Variants in CDH13 observed in about 807,000 individuals in gnomAD.
CDH13 encodes the protein cadherin-13.
Under a neutral mutation model 63.8 loss-of-function variants are expected in CDH13, and 24 were observed. The observed-to-expected ratio is 0.38, with a 90% confidence interval of 0.27 to 0.53. The LOEUF (loss-of-function observed/expected upper bound fraction) is 0.53. Ranked by LOEUF, CDH13 falls within the 20% of genes least tolerant of loss-of-function variation. The pLI is 0.85. For missense variants in CDH13, 1,049 were observed against 903.1 expected, an observed-to-expected ratio of 1.16 and a Z score of -2.07; for synonymous variants, 503 against 355.3, an observed-to-expected ratio of 1.42 and a Z score of -4.67.
At position 83,298,076 on chromosome 16, in the gene CDH13, GAA is replaced by G. The variant is rs1458493438; in HGVS notation, c.637-46780_637-46779del. Among the ~76,000 whole-genome samples the G allele has an allele frequency of 3.7e-3, 549 of 148,934 alleles. 4 individuals carry two copies. The highest frequency in any genetic ancestry group is 9.8e-3 in the African/African-American group (399 of 40,612). On this transcript the variant is annotated intron_variant, in intron 5 of 13. Transcript: ENST00000567109. Reference sequence around the variant, plus strand: ...AAAAAAAAAAAAAGAAAAAGAAAAAGAAAAAAAGAAAAAAAAATTAGCCAGGT... The same window carrying G: ...AAAAAAAAAAAAAGAAAAAGAAAAAGAAAAAGAAAAAAAAATTAGCCAGGT...
chr16:83,104,016 T>A (rs1188632020), intron 3 of CDH13, among the ~76,000 whole-genome samples: 1 of 152,224 alleles, frequency 6.6e-6, no homozygotes, highest in African/African-American at 2.4e-5. Flanking sequence ...TTTCAGAGTT[T>A]CATTATAAAA....
intron 7 of CDH13, among the ~76,000 whole-genome samples, chr16:83,509,466 A>G (rs1284412724): frequency 6.6e-6 from 1 of 152,232 alleles, no homozygotes; most frequent in African/African-American, 2.4e-5. Context: ...GCACAAAAGC[A>G]AGCATAGATA....
intron 6 of CDH13, among the ~76,000 whole-genome samples, chr16:83,351,516 C>T (rs918005863): frequency 1.3e-5 from 2 of 152,068 alleles, no homozygotes; most frequent in South Asian, 4.2e-4. Context: ...GTAAATCTCT[C>T]TCTTCACTCC....
At chr16:82,627,198 C>T (rs1432473257) in intron 1 of CDH13, 61 bp downstream of exon 1, 2 of 1,467,976 alleles carry the variant, frequency 1.4e-6, no homozygotes, top group Non-Finnish European at 9.4e-7. Flanking sequence ...GATCGCCCGG[C>T]ACGGGCAGGG....
At chr16:83,290,220 G>A (rs771407337) in intron 5 of CDH13, among the ~76,000 whole-genome samples, 1 of 152,094 alleles carries the variant, frequency 6.6e-6, no homozygotes, top group Non-Finnish European at 1.5e-5. Context: ...TATTTTAATT[G>A]TTAGTATTTA....
intron 4 of CDH13, among the ~76,000 whole-genome samples, chr16:83,140,052 A>G (rs1483111316): frequency 6.6e-6 from 1 of 152,188 alleles, no homozygotes; most frequent in Non-Finnish European, 1.5e-5. Flanking sequence ...ACCGCTGTAG[A>G]CATCCGAGGG....
At chr16:83,383,206 G>A (rs2091603115) in intron 6 of CDH13, 1 of 152,108 alleles carries the variant, frequency 6.6e-6, no homozygotes, top group African/African-American at 2.4e-5. Context: ...ACGTTCTGGG[G>A]AGAAAAACCA....
intron 4 of CDH13, among the ~76,000 whole-genome samples, chr16:83,134,868 A>G (rs1016741897): frequency 2.0e-5 from 3 of 152,208 alleles, no homozygotes; most frequent in East Asian, 1.9e-4. Context: ...CATCCCGCAA[A>G]TAAAGGCATC....
chr16:83,798,934 A>G lies in CDH13; in HGVS notation c.*3904A>G, dbSNP rs1467486968. On this transcript the variant is annotated 3_prime_UTR_variant, in exon 14 of 14. Coordinates refer to ENST00000567109, the MANE Select transcript of CDH13 (RefSeq NM_001257.5). ...ACCTTAGAAATTTTTCCTGTGCAAG[A>G]TAACGTAATTATTTGCCCCTTCCCT... The G allele has an allele frequency of 6.6e-6, 1 of 152,146 alleles. No homozygotes were observed. Among genetic ancestry groups the G allele is most frequent in the Non-Finnish European group, 1.5e-5 (1 of 68,030 alleles). The allele number at this position is 152,146 out of a possible 1,614,324, so 9.4% of individuals were successfully genotyped here. A position where few individuals can be genotyped will look rare whatever the true frequency, so the allele number is the denominator to read the frequency against.
At chr16:82,668,384 A>T (rs1164500949) in intron 1 of CDH13, among the ~76,000 whole-genome samples, 2 of 152,188 alleles carry the variant, frequency 1.3e-5, no homozygotes, top group Non-Finnish European at 2.9e-5. Flanking sequence ...TTGGTTCTAG[A>T]GGACTCGACT....
chr16:82,687,288 G>C (rs1352119921), intron 1 of CDH13, among the ~76,000 whole-genome samples: 1 of 152,168 alleles, frequency 6.6e-6, no homozygotes, highest in Non-Finnish European at 1.5e-5. Flanking sequence ...GGGATACTGG[G>C]TGGTGGTGGG....
intron 2 of CDH13, among the ~76,000 whole-genome samples, chr16:82,994,833 A>G (rs545536252): frequency 3.5e-4 from 54 of 152,262 alleles, no homozygotes; most frequent in Middle Eastern, 3.4e-3. Context: ...ACCACTATTA[A>G]TACCTGAGTA....
At chr16:82,965,629 C>G (rs769166608) in intron 2 of CDH13, among the ~76,000 whole-genome samples, 6 of 152,084 alleles carry the variant, frequency 3.9e-5, no homozygotes, top group Non-Finnish European at 7.4e-5. Context: ...CTTCCAGGTT[C>G]AAGGGATTCT....
At chr16:82,652,628 AGCTGCT>A (rs35661989) in intron 1 of CDH13, among the ~76,000 whole-genome samples, 21 of 149,302 alleles carry the variant, frequency 1.4e-4, no homozygotes, top group Admixed American at 9.4e-4. Flanking sequence ...AGATATTGGA[AGCTGCT>A]GCTGCTGCTG....
At position 83,191,959 on chromosome 16, in the gene CDH13, A is replaced by C. The variant is rs537592743; in HGVS notation, c.484-25386A>C. On this transcript the variant is annotated intron_variant, in intron 4 of 13. Transcript: ENST00000567109. ...TCCAATCAAGTTGAGGCTCAGTATT[A>C]ACCAACTCAATGATAAAAAGAGAGA... is the stretch of plus-strand genomic sequence containing the variant. Among the ~76,000 whole-genome samples the C allele has an allele frequency of 3.3e-5, 5 of 152,236 alleles. No individual in the cohort carries two copies. The East Asian group carries it at 9.7e-4, about 29-fold the overall frequency.
intron 4 of CDH13, among the ~76,000 whole-genome samples, chr16:83,199,736 G>C (rs1346122259): frequency 1.3e-5 from 2 of 152,120 alleles, no homozygotes; most frequent in African/African-American, 4.8e-5. Context: ...GCCTGCCACG[G>C]TACAATGTGC....
At chr16:83,420,337 G>A (rs147426076) in intron 6 of CDH13, among the ~76,000 whole-genome samples, 77 of 152,244 alleles carry the variant, frequency 5.1e-4, no homozygotes, top group African/African-American at 1.8e-3. Context: ...TGGGAGATTC[G>A]AAGCAGTTGA....
At chr16:83,644,451 A>T (rs1160034612) in intron 8 of CDH13, among the ~76,000 whole-genome samples, 1 of 152,236 alleles carries the variant, frequency 6.6e-6, no homozygotes, top group Non-Finnish European at 1.5e-5. Context: ...ATCTTCACGT[A>T]CATATATGAA....
chr16:82,876,605 G>C (rs1326023291), intron 2 of CDH13, among the ~76,000 whole-genome samples: 1 of 152,196 alleles, frequency 6.6e-6, no homozygotes, highest in Admixed American at 6.5e-5. Context: ...CCTAACAAGA[G>C]GTTGGGCATT....
Sources: allele counts gnomAD v4.1 joint callset (sites outside exome capture counted in the v4.1 genomes callset), GRCh38; gene constraint gnomAD v4.1.1; transcripts MANE v1.5; gene names NCBI Gene and HGNC (gene_info 2026-07-23, HGNC 2026-07-21).